Variants in SOX5 observed in about 807,000 individuals in gnomAD.
The protein encoded by SOX5 is transcription factor SOX-5.
A neutral mutation model predicts 92.0 loss-of-function variants in SOX5; 9 were observed. The observed-to-expected ratio is 0.10, with a 90% CI of 0.06 to 0.17. The LOEUF (loss-of-function observed/expected upper bound fraction) is 0.17. Ranked by LOEUF, SOX5 falls within the 10% of genes least tolerant of loss-of-function variation. The probability of loss-of-function intolerance (pLI) is 1.00; values close to 1 mark genes in which losing one functional copy is unlikely to be tolerated. For missense variants in SOX5, 642 were observed against 944.5 expected (o/e 0.68, Z 4.20); for synonymous variants, 344 against 336.3 (o/e 1.02, Z -0.25).
intron 4 of SOX5, among the ~76,000 whole-genome samples, chr12:24,098,164 G>GT (rs1048942338): frequency 1.3e-5 from 2 of 152,098 alleles, no homozygotes; most frequent in African/African-American, 4.8e-5. Flanking sequence ...CTAAGTCATT[G>GT]TGAGTACTTT....
intron 4 of SOX5, among the ~76,000 whole-genome samples, chr12:23,983,584 G>A (rs1463422482): frequency 6.6e-6 from 1 of 152,116 alleles, no homozygotes; most frequent in Admixed American, 6.6e-5. Context: ...TAAGATTTTT[G>A]AGCAAGCAAT....
intron 6 of SOX5, among the ~76,000 whole-genome samples, chr12:23,704,687 C>CATATATATATATATAT (rs376550773): frequency 0.052 from 4,657 of 89,134 alleles, 211 homozygotes; most frequent in South Asian, 0.091. Flanking sequence ...TATATGCATG[C>CATATATATATATATAT]ATATATATAT....
chr12:24,186,005 A>C (rs1955978990), intron 4 of SOX5, among the ~76,000 whole-genome samples: 1 of 152,182 alleles, frequency 6.6e-6, no homozygotes, highest in African/African-American at 2.4e-5. Context: ...CAACTAGATA[A>C]CATGAGAAAG....
intron 6 of SOX5, among the ~76,000 whole-genome samples, chr12:23,702,253 G>A (rs185613413): frequency 1.4e-3 from 205 of 151,796 alleles, no homozygotes; most frequent in Middle Eastern, 0.01. Flanking sequence ...AAGATGAGAA[G>A]GTTGACTCTT....
intron 1 of SOX5, among the ~76,000 whole-genome samples, chr12:24,380,112 C>T (rs1957680842): frequency 6.6e-6 from 1 of 152,110 alleles, no homozygotes; most frequent in African/African-American, 2.4e-5. Context: ...GGGAGAAAAG[C>T]ACAAGAACAC....
Position 24,261,501 on chromosome 12 carries a change from A to G in SOX5, c.-77+15715T>C, listed in dbSNP as rs527743571. On this transcript the variant is annotated intron_variant, in intron 3 of 4. Coordinates refer to the SOX5 transcript ENST00000446891. Reference sequence around the variant, plus strand: ...AAATCCACTCCCACCTACCCACCCCAAAGCCACACCACACCACACAGGAGA... The same window carrying G: ...AAATCCACTCCCACCTACCCACCCCGAAGCCACACCACACCACACAGGAGA... 1.3e-4 allele frequency among the ~76,000 whole-genome samples: 20 copies of G among 152,264 alleles called. No individual in the cohort carries two copies. The South Asian group carries it at 4.1e-3, about 32-fold the overall frequency.
At chr12:23,795,270 C>CTT (rs71445961) in intron 3 of SOX5, among the ~76,000 whole-genome samples, 3 of 145,830 alleles carry the variant, frequency 2.1e-5, no homozygotes, top group Non-Finnish European at 4.5e-5. Context: ...TTACCATTGA[C>CTT]TTTTTTTTTT....
chr12:23,860,952 T>TAAAAAAAAAAAAAAAAAAAAAAA (rs71059935), intron 2 of SOX5, among the ~76,000 whole-genome samples: 1 of 45,928 alleles, frequency 2.2e-5, no homozygotes, highest in Non-Finnish European at 4.3e-5. Context: ...GTATATTTTG[T>TAAAAAAAAAAAAAAAAAAAAAAA]AAAAAAAAAA....
At chr12:24,110,900 C>CAA (rs67100585) in intron 4 of SOX5, among the ~76,000 whole-genome samples, 3,721 of 27,496 alleles carry the variant, frequency 0.14, 878 homozygotes, top group Non-Finnish European at 0.21. Context: ...GACTCCACTT[C>CAA]AAAAAAAAAA....
chr12:23,614,166 C>T (rs2076283818), intron 8 of SOX5, among the ~76,000 whole-genome samples: 1 of 152,132 alleles, frequency 6.6e-6, no homozygotes, highest in African/African-American at 2.4e-5. Flanking sequence ...CTACATATGT[C>T]CTCAAGGAAG....
intron 1 of SOX5, among the ~76,000 whole-genome samples, chr12:24,404,469 G>A (rs1962468624): frequency 6.6e-6 from 1 of 152,128 alleles, no homozygotes; most frequent in Admixed American, 6.5e-5. Flanking sequence ...TCTACAGACA[G>A]GTGCCATTTC....
chr12:23,971,365 A>C lies in SOX5; in HGVS notation c.-1-75341T>G, dbSNP rs1591934814. ...TCTAGATCTCCTGACCTGGTGATCC[A>C]CCTGCCTCAGCCTCCCAAAGTGCTG... On this transcript the variant is annotated intron_variant, in intron 4 of 4. Transcript: ENST00000446891. 2.6e-5 allele frequency among the ~76,000 whole-genome samples: 4 copies of C among 151,190 alleles called. No individual in the cohort carries two copies. The South Asian group carries it at 8.4e-4, about 32-fold the overall frequency.
At chr12:23,831,398 G>A (rs916931467) in intron 3 of SOX5, among the ~76,000 whole-genome samples, 9 of 152,018 alleles carry the variant, frequency 5.9e-5, no homozygotes, top group African/African-American at 2.2e-4. Flanking sequence ...GATTAAGTGG[G>A]TGTTTTAGGA....
intron 2 of SOX5, among the ~76,000 whole-genome samples, chr12:23,871,139 C>T (rs1169624812): frequency 6.6e-6 from 1 of 151,902 alleles, no homozygotes; most frequent in African/African-American, 2.4e-5. Context: ...AGTTAAATGC[C>T]TATGTGCAGC....
chr12:24,286,989 G>A (rs1053430146), intron 2 of SOX5, among the ~76,000 whole-genome samples: 1 of 152,122 alleles, frequency 6.6e-6, no homozygotes. Context: ...ATCTGTCAGA[G>A]GTCTGGGAAT....
At chr12:24,532,735 A>G (rs896220516) in intron 1 of SOX5, among the ~76,000 whole-genome samples, 3 of 152,270 alleles carry the variant, frequency 2.0e-5, no homozygotes, top group Non-Finnish European at 2.9e-5. Context: ...CCTTCAGACT[A>G]AAACTACCAT....
At chr12:24,305,538 G>A (rs1195362269) in intron 2 of SOX5, among the ~76,000 whole-genome samples, 3 of 152,192 alleles carry the variant, frequency 2.0e-5, no homozygotes, top group East Asian at 3.9e-4. Context: ...TAATCTTTGC[G>A]AGATTTCTAA....
intron 2 of SOX5, among the ~76,000 whole-genome samples, chr12:23,867,517 T>A (rs1267595747): frequency 6.6e-6 from 1 of 152,094 alleles, no homozygotes; most frequent in Admixed American, 6.6e-5. Context: ...GATCTGTGAG[T>A]GGTAAATATA....
intron 1 of SOX5, among the ~76,000 whole-genome samples, chr12:24,422,093 G>A (rs558095280): frequency 6.0e-4 from 92 of 152,208 alleles, no homozygotes; most frequent in Non-Finnish European, 6.5e-4. Context: ...AGCAAGGTGC[G>A]TGGAAGTCTA....
Sources: allele counts gnomAD v4.1 joint callset (sites outside exome capture counted in the v4.1 genomes callset), GRCh38; gene constraint gnomAD v4.1.1; transcripts MANE v1.5; gene names NCBI Gene and HGNC (gene_info 2026-07-23, HGNC 2026-07-21).